CNTNAP2: variants seen among roughly 807,000 people sequenced by gnomAD.
CNTNAP2 encodes the protein contactin associated protein 2.
A neutral mutation model predicts 155.2 loss-of-function variants in CNTNAP2; 98 were observed. The ratio of observed to expected loss-of-function variants is 0.63; its 90% CI spans 0.54 to 0.75. The LOEUF is 0.75. CNTNAP2 is among the 30% of genes least tolerant of loss of function. CNTNAP2 has a pLI of 0.00. For missense variants in CNTNAP2, 1,727 were observed against 1,688.1 expected (o/e 1.02, Z -0.40); for synonymous variants, 651 against 631.2 (o/e 1.03, Z -0.47).
intron 3 of CNTNAP2, among the ~76,000 whole-genome samples, chr7:146,999,347 A>G (rs1159589822): frequency 3.3e-5 from 5 of 151,020 alleles, no homozygotes; most frequent in African/African-American, 1.2e-4. Context: ...ATCATTTTAT[A>G]TTGCATATCG....
At chr7:146,585,101 G>GTGTTTTGTTTTGTTTTGTTT (rs10677797) in intron 1 of CNTNAP2, among the ~76,000 whole-genome samples, 7 of 147,970 alleles carry the variant, frequency 4.7e-5, no homozygotes, top group African/African-American at 1.5e-4. Flanking sequence ...GAGTATCTTG[G>GTGTTTTGTTTTGTTTTGTTT]TGTTTTGTTT....
At chr7:146,948,570 A>C (rs996258010) in intron 3 of CNTNAP2, among the ~76,000 whole-genome samples, 2 of 152,184 alleles carry the variant, frequency 1.3e-5, no homozygotes, top group Admixed American at 1.3e-4. Context: ...TATTTAAATC[A>C]AACATTCCAA....
Position 148,299,574 on chromosome 7 carries a change from T to C in CNTNAP2, c.3475+32448T>C, listed in dbSNP as rs549468297. ...CAACGATTTTTTTCTGACTAGCCAC[T>C]GTAGTGATCGCTGCTGTGTGACCCT... On this transcript the variant is annotated intron_variant, in intron 21 of 23. Transcript: ENST00000361727. Among the ~76,000 whole-genome samples, 3 of 152,334 alleles carry C rather than the reference T, an allele frequency of 2.0e-5. No homozygotes were observed. The South Asian group carries it at 6.2e-4, about 32-fold the overall frequency.
rs745449281 is a variant in CNTNAP2, at chr7:146,121,119, C to CTTTTTTTTTTTTTTTTTT, written c.97+4156_97+4173dup. Among the ~76,000 whole-genome samples the CTTTTTTTTTTTTTTTTTT allele has an allele frequency of 1.2e-4, 8 of 65,786 alleles. 1 individual carries two copies. The highest frequency in any genetic ancestry group is 2.0e-4 in the Non-Finnish European group (7 of 34,816). 43.2% of individuals were successfully genotyped at this position (65,786 alleles called of 152,430 possible). On this transcript the variant is annotated intron_variant, in intron 1 of 23. Transcript: ENST00000361727. ...TGTCTTAAAGTTTACATAAAGCTTC[C>CTTTTTTTTTTTTTTTTTT]TTTTTTTTTTTTTTTTTTTTTTTTT...
At chr7:148,180,053 T>C (rs1255275411) in intron 18 of CNTNAP2, among the ~76,000 whole-genome samples, 1 of 151,936 alleles carries the variant, frequency 6.6e-6, no homozygotes, top group East Asian at 1.9e-4. Flanking sequence ...TATAAACAAA[T>C]AGGGAGAAAA....
intron 13 of CNTNAP2, among the ~76,000 whole-genome samples, chr7:147,743,723 A>T (rs1231709082): frequency 6.6e-6 from 1 of 151,112 alleles, no homozygotes; most frequent in Non-Finnish European, 1.5e-5. Context: ...GAGCAGCTAG[A>T]CTGACCTCTC....
intron 2 of CNTNAP2, among the ~76,000 whole-genome samples, chr7:146,798,342 C>T (rs1802808874): frequency 6.6e-6 from 1 of 151,750 alleles, no homozygotes; most frequent in Non-Finnish European, 1.5e-5. Flanking sequence ...CATAATTTAG[C>T]ATGTTTTCTT....
At chr7:147,658,441 A>G (rs190171752) in intron 13 of CNTNAP2, among the ~76,000 whole-genome samples, 1 of 152,302 alleles carries the variant, frequency 6.6e-6, no homozygotes, top group Admixed American at 6.5e-5. Context: ...CAAGAAGACT[A>G]ACTGCTAAAG....
chr7:147,678,815 G>A (rs997739408), intron 13 of CNTNAP2, among the ~76,000 whole-genome samples: 1 of 151,898 alleles, frequency 6.6e-6, no homozygotes, highest in Admixed American at 6.6e-5. Context: ...ATAGGTGGGA[G>A]TGGGAATGAC....
intron 5 of CNTNAP2, among the ~76,000 whole-genome samples, chr7:147,111,396 C>T (rs569629357): frequency 6.6e-6 from 1 of 152,174 alleles, no homozygotes; most frequent in African/African-American, 2.4e-5. Flanking sequence ...TCAATTTTTG[C>T]TTTTGTTGCA....
At chr7:147,439,295 T>A (rs772529056) in intron 10 of CNTNAP2, among the ~76,000 whole-genome samples, 1 of 152,036 alleles carries the variant, frequency 6.6e-6, no homozygotes, top group African/African-American at 2.4e-5. Flanking sequence ...GTTTCCATCA[T>A]CATTTGCTTC....
intron 1 of CNTNAP2, among the ~76,000 whole-genome samples, chr7:146,697,856 G>C (rs1800808434): frequency 6.6e-6 from 1 of 151,846 alleles, no homozygotes; most frequent in South Asian, 2.1e-4. Context: ...CCTTGTTTTT[G>C]TTTTTACATT....
intron 1 of CNTNAP2, among the ~76,000 whole-genome samples, chr7:146,333,522 T>A (rs1303622180): frequency 6.6e-6 from 1 of 152,204 alleles, no homozygotes; most frequent in Non-Finnish European, 1.5e-5. Flanking sequence ...ACATTTAATT[T>A]CTCACTGAGT....
chr7:147,529,467 G>C (rs987978671), intron 11 of CNTNAP2, among the ~76,000 whole-genome samples: 6 of 152,096 alleles, frequency 3.9e-5, no homozygotes, highest in Non-Finnish European at 8.8e-5. Context: ...CTATGATCAT[G>C]AGGCTACAAC....
At chr7:147,382,879 AAG>A (rs1796559724) in intron 9 of CNTNAP2, among the ~76,000 whole-genome samples, 1 of 152,090 alleles carries the variant, frequency 6.6e-6, no homozygotes, top group Non-Finnish European at 1.5e-5. Flanking sequence ...AATTATCAAG[AAG>A]AGAGTGGCAC....
chr7:146,959,517 C>T (rs375020733), intron 3 of CNTNAP2, among the ~76,000 whole-genome samples: 31 of 150,948 alleles, frequency 2.1e-4, no homozygotes, highest in African/African-American at 6.8e-4. Flanking sequence ...GTCAGGAGTT[C>T]GAGACCAGCC....
At chr7:148,268,198 G>A (rs1163624488) in intron 21 of CNTNAP2, among the ~76,000 whole-genome samples, 1 of 152,178 alleles carries the variant, frequency 6.6e-6, no homozygotes, top group Admixed American at 6.5e-5. Flanking sequence ...ACTGTGAACT[G>A]CAATGAAAAC....
intron 10 of CNTNAP2, 104 bp from the exon 11 acceptor site, chr7:147,485,831 A>C: frequency 1.8e-6 from 2 of 1,105,118 alleles, no homozygotes; most frequent in East Asian, 2.4e-5. Flanking sequence ...TTGGTAAGGC[A>C]ACCTGGCATT....
At chr7:147,135,630 T>C (rs1355579525) in intron 8 of CNTNAP2, among the ~76,000 whole-genome samples, 1 of 151,730 alleles carries the variant, frequency 6.6e-6, no homozygotes, top group Non-Finnish European at 1.5e-5. Flanking sequence ...TAGAACCATG[T>C]TTTTCAAATA....
Sources: gnomAD v4.1 joint callset for allele counts (sites outside exome capture counted in the v4.1 genomes callset) on GRCh38, gnomAD v4.1.1 for gene constraint, MANE v1.5 for transcripts, NCBI Gene and HGNC (gene_info 2026-07-23, HGNC 2026-07-21) for gene names.